ARFGAP3: variants seen among roughly 807,000 people sequenced by gnomAD.
ARFGAP3 encodes ARF GTPase activating protein 3.
In ARFGAP3, 72 loss-of-function variants were observed where a neutral mutation model predicts 75.0. The ratio of observed to expected loss-of-function variants is 0.96; its 90% CI spans 0.79 to 1.17. The LOEUF (loss-of-function observed/expected upper bound fraction) is 1.17. ARFGAP3 is among the 50% of genes most tolerant of loss of function. The pLI is 0.00. For synonymous variants in ARFGAP3, 221 were observed against 217.9 expected, an observed-to-expected ratio of 1.01 and a Z score of -0.13; for missense variants, 620 against 626.6, an observed-to-expected ratio of 0.99 and a Z score of 0.11.
In ARFGAP3 at chr22:42,834,307, C is replaced by T; in HGVS notation, c.412G>A (p.Val138Met). The T allele has an allele frequency of 1.9e-6, 3 of 1,613,670 alleles. No homozygotes were observed. Among genetic ancestry groups the T allele is most frequent in the Non-Finnish European group, 2.5e-6 (3 of 1,179,918 alleles). Reference sequence around the variant, plus strand: ...GGTGGAGGGGACAAAGGTGGAACCACACAACTATCAAGCCACAGCTAGAAC... The same window carrying T: ...GGTGGAGGGGACAAAGGTGGAACCATACAACTATCAAGCCACAGCTAGAAC... ...HGTDLWLDSC[V>M]VPPLSPPPKE... is the part of the protein sequence containing the mutation. The change falls in exon 5 of 16, where the codon GTG becomes ATG. Residue 138 changes from valine to methionine, a missense_variant. Transcript: ENST00000263245.
At chr22:42,823,821 C>T in intron 7 of ARFGAP3, 119 bp from the exon 8 acceptor site, 2 of 1,203,176 alleles carry the variant, frequency 1.7e-6, no homozygotes, top group Non-Finnish European at 2.2e-6. Flanking sequence ...ACATTTTCCA[C>T]TTTAGTTTCT....
chr22:42,818,014 C>G (rs1412365980), intron 9 of ARFGAP3, 157 bp from the exon 10 acceptor site: 1 of 650,366 alleles, frequency 1.5e-6, no homozygotes, highest in Admixed American at 6.3e-5. Context: ...TTCTACCTGC[C>G]TTTTTTGAAC....
At chr22:42,804,263 T>G (rs987749452) in intron 14 of ARFGAP3, among the ~76,000 whole-genome samples, 1 of 151,624 alleles carries the variant, frequency 6.6e-6, no homozygotes. Context: ...CAGGCTGGAG[T>G]GTAATGGTGC....
intron 15 of ARFGAP3, among the ~76,000 whole-genome samples, chr22:42,798,668 G>A (rs1472717574): frequency 2.0e-5 from 3 of 151,992 alleles, no homozygotes; most frequent in East Asian, 3.8e-4. Flanking sequence ...TTTAATCTAC[G>A]TATAGAAAAA....
chr22:42,842,923 A>G (rs904335921), intron 2 of ARFGAP3, among the ~76,000 whole-genome samples: 5 of 152,060 alleles, frequency 3.3e-5, no homozygotes, highest in African/African-American at 7.2e-5. Context: ...AGGGCTCACT[A>G]TGTGCCAGGC....
intron 1 of ARFGAP3, among the ~76,000 whole-genome samples, chr22:42,848,706 G>A (rs1927135298): frequency 6.6e-6 from 1 of 152,116 alleles, no homozygotes; most frequent in Non-Finnish European, 1.5e-5. Flanking sequence ...ATACCAGATG[G>A]CAGGCTGTTG....
chr22:42,828,373 A>G (rs1332874490), intron 6 of ARFGAP3, among the ~76,000 whole-genome samples: 1 of 152,024 alleles, frequency 6.6e-6, no homozygotes, highest in Non-Finnish European at 1.5e-5. Flanking sequence ...CCTGGCCAAC[A>G]TGGTGAAACC....
intron 13 of ARFGAP3, 122 bp downstream of exon 13, chr22:42,808,645 C>T: frequency 1.4e-6 from 1 of 739,480 alleles, no homozygotes; most frequent in Non-Finnish European, 2.2e-6. Context: ...CCAGCACTTT[C>T]AGGCCAGAGG....
intron 14 of ARFGAP3, among the ~76,000 whole-genome samples, chr22:42,802,288 A>AT (rs71752509): frequency 0.014 from 2,060 of 142,646 alleles, 40 homozygotes; most frequent in African/African-American, 0.043. Context: ...CAAAATAACA[A>AT]TTTTTTTTTT....
intron 14 of ARFGAP3, among the ~76,000 whole-genome samples, chr22:42,802,568 C>T (rs1038370184): frequency 6.6e-6 from 1 of 150,914 alleles, no homozygotes; most frequent in Non-Finnish European, 1.5e-5. Flanking sequence ...GCTGGGATTA[C>T]AGGCGAGAGC....
intron 13 of ARFGAP3, 164 bp from the exon 14 acceptor site, chr22:42,807,327 C>A (rs1032205329): frequency 1.7e-5 from 16 of 930,472 alleles, no homozygotes; most frequent in South Asian, 1.5e-4. Flanking sequence ...CGGGACAGCA[C>A]AAAGCTCATG....
chr22:42,798,957 C>T (rs1418285076), intron 15 of ARFGAP3, 82 bp downstream of exon 15: 1 of 1,139,372 alleles, frequency 8.8e-7, no homozygotes, highest in African/African-American at 1.5e-5. Flanking sequence ...AATTTTCCAG[C>T]AGTTGAAGAT....
rs983218639 is a variant in ARFGAP3 at position 42,810,928 on chromosome 22, C to A, written c.1081G>T (p.Val361Leu). The A allele has an allele frequency of 1.2e-6, 2 of 1,614,184 alleles. No homozygotes were observed. The highest frequency in any genetic ancestry group is 1.7e-6 in the Non-Finnish European group (2 of 1,180,010). Residue 361 changes from valine (V) to leucine (L), a missense_variant, in exon 12 of 16, where the codon GTG becomes TTG. Coordinates refer to ENST00000263245, the MANE Select transcript of ARFGAP3 (RefSeq NM_014570.5). ...GAGAAAGAACTGCTCCTTAACTCCA[C>A]TGGCTCGTCAAAGTAACTGTAGGAG... ...TSSSSYFDEPVELRSSSFSSW... is the reference protein window; with the variant it reads ...TSSSSYFDEPLELRSSSFSSW...
In ARFGAP3 at chr22:42,808,808, T is replaced by C; in HGVS notation, c.1279A>G (p.Ile427Val). ...CTTCCAAAATACATATCTGATGAAA[T>C]GGCCTTGACATTGCCAAACTTCTTC... is the stretch of plus-strand genomic sequence containing the variant. Reference protein sequence around the residue: ...AQKKFGNVKAISSDMYFGRQS... With the variant: ...AQKKFGNVKAVSSDMYFGRQS... Residue 427 changes from isoleucine (I) to valine (V), a missense_variant, in exon 13 of 16, where the codon ATT becomes GTT. By Grantham distance (29) the Ile-to-Val change is conservative. Coordinates refer to ENST00000263245, the MANE Select transcript of ARFGAP3 (RefSeq NM_014570.5). 6.2e-7 allele frequency: 1 copy of C among 1,613,668 alleles called. No homozygotes were observed. The highest frequency in any genetic ancestry group is 8.5e-7 in the Non-Finnish European group (1 of 1,179,742).
At chr22:42,807,656 C>CA (rs1925186017) in intron 13 of ARFGAP3, among the ~76,000 whole-genome samples, 1 of 152,084 alleles carries the variant, frequency 6.6e-6, no homozygotes, top group Admixed American at 6.5e-5. Context: ...AAAATACATT[C>CA]AGCACATTTT....
At chr22:42,823,856 G>A (rs1925919260) in intron 7 of ARFGAP3, 154 bp from the exon 8 acceptor site, 1 of 668,044 alleles carries the variant, frequency 1.5e-6, no homozygotes, top group South Asian at 6.6e-5. Flanking sequence ...AAGTTGATAA[G>A]CATATTTTGG....
intron 13 of ARFGAP3, 35 bp downstream of exon 13, chr22:42,808,732 T>C (rs2146532039): frequency 6.4e-7 from 1 of 1,556,112 alleles, no homozygotes; most frequent in Non-Finnish European, 8.8e-7. Flanking sequence ...CTTCCTGCAT[T>C]ATGGGGCACC....
chr22:42,827,889 C>T (rs1926110354), intron 6 of ARFGAP3, among the ~76,000 whole-genome samples: 1 of 152,138 alleles, frequency 6.6e-6, no homozygotes, highest in Non-Finnish European at 1.5e-5. Flanking sequence ...TTCGAGACCT[C>T]CCACCTTGGC....
intron 1 of ARFGAP3, 27 bp from the exon 2 acceptor site, chr22:42,847,659 C>T (rs1247939188): frequency 1.1e-5 from 17 of 1,605,814 alleles, no homozygotes; most frequent in Non-Finnish European, 1.3e-5. Flanking sequence ...AATTCAGTTA[C>T]TAATTTATGT....
Sources: gnomAD v4.1 joint callset for allele counts (sites outside exome capture counted in the v4.1 genomes callset) on GRCh38, gnomAD v4.1.1 for gene constraint, MANE v1.5 for transcripts, NCBI Gene and HGNC (gene_info 2026-07-23, HGNC 2026-07-21) for gene names.